The following CDH13 variants were observed in gnomAD, a reference collection of about 807,000 sequenced individuals.
CDH13 encodes the protein cadherin 13.
Under a neutral mutation model 63.8 loss-of-function variants are expected in CDH13, and 24 were observed. The ratio of observed to expected loss-of-function variants is 0.38; its 90% confidence interval spans 0.27 to 0.53. CDH13 has a LOEUF of 0.53. Ranked by LOEUF, CDH13 falls within the 20% of genes least tolerant of loss-of-function variation. The pLI is 0.85. For missense variants in CDH13, 1,049 were observed against 903.1 expected, an observed-to-expected ratio of 1.16 and a Z score of -2.07; for synonymous variants, 503 against 355.3, an observed-to-expected ratio of 1.42 and a Z score of -4.67.
At chr16:83,712,142 A>G (rs1480690791) in intron 10 of CDH13, among the ~76,000 whole-genome samples, 1 of 152,202 alleles carries the variant, frequency 6.6e-6, no homozygotes, top group Non-Finnish European at 1.5e-5. Context: ...GTTTAAGACA[A>G]TCATACTGTG....
rs965641297 is a variant in CDH13 at position 83,298,996 on chromosome 16, A to G, written c.637-45866A>G. Reference sequence around the variant, plus strand: ...CTTGTTTTAAAAATTATAAAATACTATAAAGCATGAGTAAAAATAACCAAT... The same window carrying G: ...CTTGTTTTAAAAATTATAAAATACTGTAAAGCATGAGTAAAAATAACCAAT... On this transcript the variant is annotated intron_variant, in intron 5 of 13. Transcript: ENST00000567109. 3.7e-4 allele frequency among the ~76,000 whole-genome samples: 57 copies of G among 152,244 alleles called. 1 individual carries two copies. Among genetic ancestry groups the G allele is most frequent in the Admixed American group, 3.3e-3 (50 of 15,286 alleles).
chr16:83,780,761 A>T (rs1915460293), intron 12 of CDH13, among the ~76,000 whole-genome samples: 1 of 152,188 alleles, frequency 6.6e-6, no homozygotes, highest in Non-Finnish European at 1.5e-5. Context: ...CTTACAAAGA[A>T]TATTGGCCAA....
chr16:83,678,648 G>A (rs1273729584), intron 10 of CDH13, among the ~76,000 whole-genome samples, 187 bp downstream of exon 10: 4 of 152,206 alleles, frequency 2.6e-5, no homozygotes, highest in African/African-American at 7.2e-5. Context: ...AGGCTCTTTG[G>A]TGAGGATGCT....
intron 2 of CDH13, among the ~76,000 whole-genome samples, chr16:82,988,325 G>GT (rs1567721611): frequency 6.6e-6 from 1 of 151,916 alleles, no homozygotes; most frequent in African/African-American, 2.4e-5. Flanking sequence ...AATGTTTTTT[G>GT]TTTTTTTTCT....
intron 7 of CDH13, among the ~76,000 whole-genome samples, chr16:83,586,996 G>T (rs1284959958): frequency 2.0e-5 from 3 of 152,132 alleles, no homozygotes; most frequent in Non-Finnish European, 4.4e-5. Context: ...GGCTAGAGTG[G>T]GTGGGTGTCA....
At chr16:83,163,776 C>T (rs2037547450) in intron 4 of CDH13, among the ~76,000 whole-genome samples, 1 of 152,086 alleles carries the variant, frequency 6.6e-6, no homozygotes, top group South Asian at 2.1e-4. Flanking sequence ...ATTCTGAATT[C>T]ACAGCATGAG....
intron 4 of CDH13, among the ~76,000 whole-genome samples, chr16:83,199,361 T>C (rs543222994): frequency 2.0e-5 from 3 of 152,326 alleles, no homozygotes; most frequent in South Asian, 2.1e-4. Context: ...TATCCAGGAG[T>C]TGGCATCTGA....
intron 7 of CDH13, among the ~76,000 whole-genome samples, chr16:83,538,203 T>C (rs2075230908): frequency 6.6e-6 from 1 of 152,232 alleles, no homozygotes; most frequent in Non-Finnish European, 1.5e-5. Context: ...AGAGGAGGAC[T>C]TGGGAAGCTC....
intron 5 of CDH13, among the ~76,000 whole-genome samples, chr16:83,280,324 T>C (rs534719194): frequency 6.6e-6 from 1 of 152,348 alleles, no homozygotes; most frequent in South Asian, 2.1e-4. Flanking sequence ...CAGGAGTAGG[T>C]TCCATCTTGA....
chr16:83,184,965 A>G (rs2151748560), intron 4 of CDH13, among the ~76,000 whole-genome samples: 1 of 152,084 alleles, frequency 6.6e-6, no homozygotes, highest in South Asian at 2.1e-4. Context: ...TTTTTTAAAT[A>G]CACACTTATA....
chr16:82,809,344 G>C (rs538598390), intron 1 of CDH13, among the ~76,000 whole-genome samples: 2 of 151,800 alleles, frequency 1.3e-5, no homozygotes, highest in East Asian at 3.9e-4. Context: ...AATGAAAAAT[G>C]AGTAGTTTAG....
chr16:82,629,269 G>A (rs1597159455), intron 1 of CDH13, among the ~76,000 whole-genome samples: 1 of 152,232 alleles, frequency 6.6e-6, no homozygotes, highest in Non-Finnish European at 1.5e-5. Flanking sequence ...TTAGATGAAG[G>A]AAGCAGAGAT....
intron 6 of CDH13, among the ~76,000 whole-genome samples, chr16:83,369,515 C>T (rs1451021483): frequency 6.6e-6 from 1 of 152,094 alleles, no homozygotes; most frequent in Non-Finnish European, 1.5e-5. Flanking sequence ...AGCTCCAAGG[C>T]TCGGGTCATC....
intron 7 of CDH13, among the ~76,000 whole-genome samples, chr16:83,545,528 T>A (rs1469448994): frequency 6.6e-6 from 1 of 152,182 alleles, no homozygotes; most frequent in Non-Finnish European, 1.5e-5. Context: ...GACAAGGCCT[T>A]CATGGCTGTT....
chr16:82,932,213 G>A (rs192789089), intron 2 of CDH13, among the ~76,000 whole-genome samples: 15 of 152,194 alleles, frequency 9.9e-5, no homozygotes, highest in South Asian at 4.2e-4. Flanking sequence ...TATATTTTTA[G>A]TATAAGTGTG....
intron 8 of CDH13, among the ~76,000 whole-genome samples, chr16:83,634,658 C>T (rs1182182703): frequency 6.6e-6 from 1 of 152,136 alleles, no homozygotes; most frequent in East Asian, 1.9e-4. Flanking sequence ...GCCTCGGCCT[C>T]CCAAAGTGCT....
intron 1 of CDH13, among the ~76,000 whole-genome samples, chr16:82,820,893 T>G (rs2037973774): frequency 8.0e-6 from 1 of 124,866 alleles, no homozygotes; most frequent in African/African-American, 2.7e-5. Context: ...TTCATTCATA[T>G]GAATATGCCT....
intron 7 of CDH13, among the ~76,000 whole-genome samples, chr16:83,499,842 G>A (rs1434859625): frequency 2.6e-5 from 4 of 151,556 alleles, no homozygotes; most frequent in Admixed American, 2.6e-4. Flanking sequence ...CGCTATTATT[G>A]CTCAAGCTGT....
At chr16:83,465,159 G>A (rs1021065008) in intron 6 of CDH13, among the ~76,000 whole-genome samples, 2 of 152,182 alleles carry the variant, frequency 1.3e-5, no homozygotes, top group Non-Finnish European at 1.5e-5. Context: ...AAATGAATTT[G>A]TAATGTTTCA....
Sources: gnomAD v4.1 joint callset for allele counts (sites outside exome capture counted in the v4.1 genomes callset) on GRCh38, gnomAD v4.1.1 for gene constraint, MANE v1.5 for transcripts, NCBI Gene and HGNC (gene_info 2026-07-23, HGNC 2026-07-21) for gene names.